Variants in MORC2 observed in about 807,000 individuals in gnomAD.
MORC2 encodes ATPase MORC2.
A neutral mutation model predicts 136.0 loss-of-function variants in MORC2; 30 were observed. The ratio of observed to expected loss-of-function variants is 0.22; its 90% CI spans 0.17 to 0.30. The LOEUF (loss-of-function observed/expected upper bound fraction) is 0.30, where lower values mean the gene tolerates loss of function less well. Ranked by LOEUF, MORC2 falls within the 10% of genes least tolerant of loss-of-function variation. The pLI, the probability that MORC2 is intolerant of heterozygous loss-of-function variation, is 1.00. For missense variants in MORC2, 922 were observed against 1,333.1 expected (o/e 0.69, Z 4.80); for synonymous variants, 439 against 487.0 (o/e 0.90, Z 1.30).
In MORC2 at chr22:30,934,811, C is replaced by A. The variant is rs564766575; in HGVS notation, c.2163G>T (p.Lys721Asn). The A allele has an allele frequency of 1.2e-6, 2 of 1,614,188 alleles. No individual in the cohort carries two copies. The highest frequency in any genetic ancestry group is 2.7e-5 in the African/African-American group (2 of 75,044). ...AGAGTTTGATGGGTGACTCTGTCTT[C>A]TTCACCACTGGAGTCTTGATGACTT... ...SPKVIKTPVVKKTESPIKLSP... is the reference protein window; with the variant it reads ...SPKVIKTPVVNKTESPIKLSP... Residue 721 changes from lysine (K) to asparagine (N), a missense_variant, in exon 19 of 26, where the codon AAG (lysine) becomes AAT (asparagine). By Grantham distance (94) the Lys-to-Asn change is moderately conservative (BLOSUM62 0). This residue lies in a region of MORC2 where 184 missense variants were observed against 180.3 expected (regional missense o/e 1.02). Coordinates refer to ENST00000397641, the MANE Select transcript of MORC2 (RefSeq NM_001303256.3). This position sits in a 1 kb window ranked among gnomAD's most constrained non-coding sequence, Gnocchi z 4.4.
chr22:30,946,029 C>T (rs183742668), intron 6 of MORC2, among the ~76,000 whole-genome samples: 2 of 152,222 alleles, frequency 1.3e-5, no homozygotes, highest in Admixed American at 6.5e-5. Flanking sequence ...AACACTCCCC[C>T]CAAAATGGAA....
chr22:30,954,978 G>C (rs911785195), intron 3 of MORC2, among the ~76,000 whole-genome samples: 2 of 97,674 alleles, frequency 2.0e-5, no homozygotes, highest in East Asian at 7.4e-4. Flanking sequence ...TTTTTTTTGA[G>C]ACGGAGCTTC....
chr22:30,956,731 C>T, intron 3 of MORC2, 32 bp downstream of exon 3: 1 of 1,496,400 alleles, frequency 6.7e-7, no homozygotes, highest in Non-Finnish European at 9.1e-7. Flanking sequence ...TTAAGATGAA[C>T]TAGACATTAG....
intron 5 of MORC2, among the ~76,000 whole-genome samples, chr22:30,947,960 A>C (rs2040842379): frequency 6.6e-6 from 1 of 152,168 alleles, no homozygotes; most frequent in South Asian, 2.1e-4. Flanking sequence ...AATTGGTTTC[A>C]AGATGATTTT....
intron 1 of MORC2, among the ~76,000 whole-genome samples, chr22:30,964,928 T>C (rs1264648874): frequency 1.3e-5 from 2 of 151,586 alleles, no homozygotes; most frequent in African/African-American, 4.9e-5. Flanking sequence ...ACACTCACCA[T>C]TCACACAATG....
rs1467210877 is a variant in MORC2, at chr22:30,926,463, T to C, written c.*340A>G. 3 of 162,852 alleles carry C rather than the reference T, an allele frequency of 1.8e-5. No individual in the cohort carries two copies. Among genetic ancestry groups the C allele is most frequent in the Non-Finnish European group, 3.8e-5 (3 of 79,310 alleles). 10.1% of individuals were successfully genotyped at this position (162,852 alleles called of 1,614,324 possible). On this transcript the variant is annotated 3_prime_UTR_variant, in exon 26 of 26. Transcript: ENST00000397641. ...TCCAAGATGGCACTGGACTCGCCGT[T>C]ATCTTGAGGAGCCAGGAGCTGAAAT...
At chr22:30,959,551 A>G (rs1029465355) in intron 1 of MORC2, among the ~76,000 whole-genome samples, 2 of 152,242 alleles carry the variant, frequency 1.3e-5, no homozygotes, top group African/African-American at 2.4e-5. Context: ...TACATTGAGC[A>G]TGTGCAATTT....
At chr22:30,951,096 T>C (rs2040880096) in intron 3 of MORC2, among the ~76,000 whole-genome samples, 1 of 152,216 alleles carries the variant, frequency 6.6e-6, no homozygotes, top group Non-Finnish European at 1.5e-5. Flanking sequence ...AGAAGGCACA[T>C]GGTACAACGT....
chr22:30,966,662 C>T (rs532106703), intron 1 of MORC2, among the ~76,000 whole-genome samples: 1 of 152,230 alleles, frequency 6.6e-6, no homozygotes, highest in East Asian at 1.9e-4. Flanking sequence ...CCTGTAGTCC[C>T]AGCTACTTGG....
At chr22:30,947,502 TA>T in intron 5 of MORC2, among the ~76,000 whole-genome samples, 1 of 152,286 alleles carries the variant, frequency 6.6e-6, no homozygotes, top group African/African-American at 2.4e-5. Context: ...AAAGCCTCAT[TA>T]CTCTCTTCTG....
intron 1 of MORC2, among the ~76,000 whole-genome samples, chr22:30,962,617 G>A (rs550073924): frequency 6.6e-6 from 1 of 151,230 alleles, no homozygotes; most frequent in Admixed American, 6.6e-5. Flanking sequence ...AAAAACTAAT[G>A]GTCTTTGTTG....
Position 30,950,448 on chromosome 22 carries a change from G to A in MORC2, c.158-3C>T, listed in dbSNP as rs776368889. ...TCCTCGAAGGTCCTCTCGTCTTTCTGTAAAAGAAGCAGCTGCCATTACTGG... is the reference window on the plus strand; with the variant it reads ...TCCTCGAAGGTCCTCTCGTCTTTCTATAAAAGAAGCAGCTGCCATTACTGG... On this transcript the variant is annotated splice_region_variant and splice_polypyrimidine_tract_variant and intron_variant, in intron 3 of 25. Coordinates refer to ENST00000397641, the MANE Select transcript of MORC2 (RefSeq NM_001303256.3). 19 of 1,604,376 alleles carry A rather than the reference G, an allele frequency of 1.2e-5. No homozygotes were observed. In the South Asian group the frequency reaches 1.5e-4, roughly 13 times the overall value.
At chr22:30,954,077 T>C (rs1569201068) in intron 3 of MORC2, among the ~76,000 whole-genome samples, 1 of 152,082 alleles carries the variant, frequency 6.6e-6, no homozygotes, top group East Asian at 1.9e-4. Flanking sequence ...GCCAAGGCAG[T>C]CAGATTACTT....
At position 30,941,680 on chromosome 22, in the gene MORC2, C is replaced by G. The variant is rs550044085; in HGVS notation, c.699-122G>C. 55 of 1,389,162 alleles carry G rather than the reference C, an allele frequency of 4.0e-5. No homozygotes were observed. In the East Asian group the frequency reaches 1.3e-3, roughly 33 times the overall value. 86.1% of individuals were successfully genotyped at this position (1,389,162 alleles called of 1,614,324 possible). On this transcript the variant is annotated intron_variant, in intron 8 of 25. Transcript: ENST00000397641. The surrounding 1 kb of genome is among the most constrained non-coding windows in gnomAD (Gnocchi z 4.6). ...GTTAGGTACTGACTTCTGCTGCTGC[C>G]CTGAACTGGTGCTCCCTTAGTGTGA...
intron 17 of MORC2, 114 bp downstream of exon 17, chr22:30,936,397 G>C (rs1032846725): frequency 3.5e-6 from 5 of 1,430,858 alleles, no homozygotes; most frequent in Admixed American, 4.4e-5. Context: ...CAAACAACGC[G>C]GGTGAGTGGA....
In MORC2 at chr22:30,941,792, A is replaced by G; in HGVS notation, c.698+99T>C. The G allele has an allele frequency of 8.1e-7, 1 of 1,228,134 alleles. No individual in the cohort carries two copies. Among genetic ancestry groups the G allele is most frequent in the Non-Finnish European group, 1.2e-6 (1 of 849,130 alleles). The allele number at this position is 1,228,134 out of a possible 1,614,324, so 76.1% of individuals were successfully genotyped here. On this transcript the variant is annotated intron_variant, in intron 8 of 25. Coordinates refer to ENST00000397641, the MANE Select transcript of MORC2 (RefSeq NM_001303256.3). This position sits in a 1 kb window ranked among gnomAD's most constrained non-coding sequence, Gnocchi z 4.6. Reference sequence around the variant, plus strand: ...CCTACATACTACCCTACCACAGAACACTGGGCAATGAATGTGCTCTCCCCT... The same window carrying G: ...CCTACATACTACCCTACCACAGAACGCTGGGCAATGAATGTGCTCTCCCCT...
At chr22:30,940,164 G>T in intron 10 of MORC2, 123 bp from the exon 11 acceptor site, 4 of 934,876 alleles carry the variant, frequency 4.3e-6, no homozygotes, top group Non-Finnish European at 6.5e-6. Context: ...AGTAGGGGGA[G>T]CTATGGCTGG....
At chr22:30,938,958 T>C (rs1479379356) in intron 12 of MORC2, among the ~76,000 whole-genome samples, 1 of 152,120 alleles carries the variant, frequency 6.6e-6, no homozygotes, top group Non-Finnish European at 1.5e-5. Context: ...AACAAAAACT[T>C]AGAGCTGAAA....
At chr22:30,927,038 C>T (rs1008386777) in intron 25 of MORC2, among the ~76,000 whole-genome samples, 167 bp from the exon 26 acceptor site, 1 of 152,128 alleles carries the variant, frequency 6.6e-6, no homozygotes, top group Admixed American at 6.5e-5. Context: ...TCTCCCCTCC[C>T]TCATCTATTG....
Sources: allele counts gnomAD v4.1 joint callset (sites outside exome capture counted in the v4.1 genomes callset), GRCh38; gene constraint gnomAD v4.1.1; regional missense constraint gnomAD v4.1.1; non-coding constraint Gnocchi (gnomAD v3.1); transcripts MANE v1.5; gene names NCBI Gene and HGNC (gene_info 2026-07-23, HGNC 2026-07-21).